Variants in OSCP1 observed in about 807,000 individuals in gnomAD.
OSCP1 encodes organic solute carrier partner 1, also known as protein OSCP1.
Under a neutral mutation model 45.1 loss-of-function variants are expected in OSCP1, and 35 were observed. That is an observed-to-expected ratio of 0.78 (90% confidence interval 0.59 to 1.03). The LOEUF is 1.03. Ranked by LOEUF, OSCP1 falls within the 50% of genes least tolerant of loss-of-function variation. The pLI, the probability that OSCP1 is intolerant of heterozygous loss-of-function variation, is 0.00. For missense variants in OSCP1, 400 were observed against 470.7 expected, an observed-to-expected ratio of 0.85 and a Z score of 1.39; for synonymous variants, 179 against 180.1, an observed-to-expected ratio of 0.99 and a Z score of 0.05.
At position 36,438,785 on chromosome 1, in the gene OSCP1, T is replaced by C; in HGVS notation, c.238A>G (p.Met80Val). The change falls in exon 2 of 10, where the codon ATG becomes GTG. Residue 80 changes from methionine (M) to valine (V), a missense_variant. Met to Val is a conservative substitution (Grantham distance 21, BLOSUM62 1). Transcript: ENST00000235532. ...VYERLAHASI[M>V]KLNQASMDKL... ...TCCATGCTGGCCTGGTTCAGTTTCATAATGGAGGCATGAGCCAGGCGCTCA... is the reference window on the plus strand; with the variant it reads ...TCCATGCTGGCCTGGTTCAGTTTCACAATGGAGGCATGAGCCAGGCGCTCA... 1 of 1,613,436 alleles carries C rather than the reference T, an allele frequency of 6.2e-7. No individual in the cohort carries two copies. The highest frequency in any genetic ancestry group is 8.5e-7 in the Non-Finnish European group (1 of 1,179,684).
Position 36,431,900 on chromosome 1 carries a change from A to G in OSCP1, c.436-18T>C. 1 of 1,610,746 alleles carries G rather than the reference A, an allele frequency of 6.2e-7. No homozygotes were observed. Among genetic ancestry groups the G allele is most frequent in the Non-Finnish European group, 8.5e-7 (1 of 1,179,114 alleles). ...CCATATATCTGCCAAAGGCAAGCAG[A>G]AAGCAGCACTTCACTTTCCAAGAGG... On this transcript the variant is annotated intron_variant, in intron 3 of 9. Transcript: ENST00000235532.
chr1:36,431,705 G>A, intron 4 of OSCP1, 97 bp downstream of exon 4: 1 of 1,184,628 alleles, frequency 8.4e-7, no homozygotes, highest in Non-Finnish European at 1.2e-6. Flanking sequence ...ATCACTAACT[G>A]GGCAAAATCT....
At chr1:36,439,695 G>A (rs1648997742) in intron 1 of OSCP1, among the ~76,000 whole-genome samples, 1 of 152,122 alleles carries the variant, frequency 6.6e-6, no homozygotes, top group African/African-American at 2.4e-5. Context: ...TATAAGACAT[G>A]TACTTTGAAT....
chr1:36,428,447 TCTTGCATATG>T (rs770043586), intron 4 of OSCP1: 1 of 1,613,976 alleles, frequency 6.2e-7, no homozygotes, highest in Non-Finnish European at 8.5e-7. Context: ...GTGAACAGTT[TCTTGCATATG>T]CTTCCAGAAG....
intron 8 of OSCP1, chr1:36,419,312 G>T: frequency 2.0e-6 from 1 of 492,420 alleles, no homozygotes; most frequent in African/African-American, 1.9e-5. Flanking sequence ...CCAAGACCTA[G>T]ATCAAATGCC....
In OSCP1 at chr1:36,418,628, G is replaced by A. The variant is rs562066255; in HGVS notation, c.1023+363C>T. ...ACGTTATATAAGATGAGGAAAGGAG[G>A]AAGGGAGGCTGGGTACGGTGGCTCA... On this transcript the variant is annotated intron_variant, in intron 9 of 9. Transcript: ENST00000235532. The A allele has an allele frequency of 1.5e-5, 5 of 336,892 alleles. No individual in the cohort carries two copies. In the South Asian group the frequency reaches 2.2e-4, roughly 15 times the overall value. The allele number at this position is 336,892 out of a possible 1,614,324, so 20.9% of individuals were successfully genotyped here.
chr1:36,444,716 A>G (rs1649398490), intron 1 of OSCP1, among the ~76,000 whole-genome samples: 1 of 152,222 alleles, frequency 6.6e-6, no homozygotes, highest in South Asian at 2.1e-4. Context: ...GGAAAAATGC[A>G]GTTGGCTAGA....
At position 36,438,877 on chromosome 1, in the gene OSCP1, C is replaced by G. The variant is rs1403825136; in HGVS notation, c.146G>C (p.Arg49Thr). The change falls in exon 2 of 10, where the codon AGA (arginine) becomes ACA (threonine). Residue 49 changes from arginine to threonine, a missense_variant. Transcript: ENST00000235532. ...LNDIISTMFN[R>T]KFMEELFKPQ... ...CTTGAATAATTCCTCCATAAACTTT[C>G]TATTGAACATGGTGGAGATGATGTC... The G allele has an allele frequency of 6.2e-7, 1 of 1,614,184 alleles. No homozygotes were observed. The highest frequency in any genetic ancestry group is 2.2e-5 in the East Asian group (1 of 44,886).
chr1:36,420,142 A>ATT (rs879625733), intron 8 of OSCP1, among the ~76,000 whole-genome samples: 113 of 138,512 alleles, frequency 8.2e-4, no homozygotes, highest in African/African-American at 2.9e-3. Flanking sequence ...CACCCAGCTA[A>ATT]TTTTTTTTTT....
intron 2 of OSCP1, among the ~76,000 whole-genome samples, chr1:36,436,885 A>G (rs1408651032): frequency 6.6e-6 from 1 of 152,118 alleles, no homozygotes; most frequent in Non-Finnish European, 1.5e-5. Flanking sequence ...AGTTTTGAGT[A>G]CTGGTCAGGT....
intron 1 of OSCP1, chr1:36,443,983 T>C: frequency 6.2e-7 from 1 of 1,611,106 alleles, no homozygotes; most frequent in Admixed American, 1.7e-5. Context: ...ACTGAACACA[T>C]GCAGCCCGGA....
chr1:36,429,072 G>A (rs1648170891), intron 4 of OSCP1, among the ~76,000 whole-genome samples: 1 of 152,096 alleles, frequency 6.6e-6, no homozygotes, highest in African/African-American at 2.4e-5. Context: ...ACTGTGGCCA[G>A]CTCTGGAGTT....
At chr1:36,427,823 C>A (rs1164757321) in intron 4 of OSCP1, among the ~76,000 whole-genome samples, 2 of 152,028 alleles carry the variant, frequency 1.3e-5, no homozygotes, top group Non-Finnish European at 2.9e-5. Flanking sequence ...TTATTTTAAT[C>A]AATGACAGAG....
intron 4 of OSCP1, among the ~76,000 whole-genome samples, chr1:36,427,608 C>T (rs1029663608): frequency 6.6e-6 from 1 of 152,156 alleles, no homozygotes; most frequent in Non-Finnish European, 1.5e-5. Flanking sequence ...TGAGCCACTG[C>T]ACCCAGCTGA....
Position 36,450,257 on chromosome 1 carries a change from C to A in OSCP1, c.112+1G>T. 1 of 1,612,440 alleles carries A rather than the reference C, an allele frequency of 6.2e-7. No individual in the cohort carries two copies. Among genetic ancestry groups the A allele is most frequent in the South Asian group, 1.1e-5 (1 of 90,994 alleles). ...GGCTGAGCGGGCCGGGGGCCTCTCA[C>A]CTTTGCGGGCCTTGTCTCCCGGGAT... On this transcript the variant is annotated splice_donor_variant, in intron 1 of 9. Transcript: ENST00000235532. LOFTEE classifies it high-confidence loss of function.
intron 1 of OSCP1, among the ~76,000 whole-genome samples, chr1:36,444,603 G>A (rs1412356120): frequency 6.6e-6 from 1 of 152,072 alleles, no homozygotes; most frequent in Admixed American, 6.6e-5. Flanking sequence ...ATATATAGAT[G>A]CATGATTTCC....
In OSCP1 at chr1:36,419,047, C is replaced by T; in HGVS notation, c.967G>A (p.Ala323Thr). Residue 323 changes from alanine to threonine, a missense_variant, in exon 9 of 10, where the codon GCG (alanine) becomes ACG (threonine). By Grantham distance (58) the Ala-to-Thr change is moderately conservative (BLOSUM62 0). Coordinates refer to ENST00000235532, the MANE Select transcript of OSCP1 (RefSeq NM_145047.5). Reference sequence around the variant, plus strand: ...GATAACTCTTCTGGCCTGGTTAGCGCTGCTTGTCTGGATGAGATGGTAAAG... The same window carrying T: ...GATAACTCTTCTGGCCTGGTTAGCGTTGCTTGTCTGGATGAGATGGTAAAG... ...FTTDEEEEQA[A>T]LTRPEELSYE... is the part of the protein sequence containing the mutation. 2 of 1,612,028 alleles carry T rather than the reference C, an allele frequency of 1.2e-6. No homozygotes were observed. The highest frequency in any genetic ancestry group is 4.5e-5 in the East Asian group (2 of 44,870).
chr1:36,424,632 G>C (rs1052674564), intron 4 of OSCP1, among the ~76,000 whole-genome samples: 7 of 152,114 alleles, frequency 4.6e-5, no homozygotes, highest in African/African-American at 1.7e-4. Context: ...TGGGGCAGGG[G>C]GATCCAGCTG....
intron 8 of OSCP1, among the ~76,000 whole-genome samples, chr1:36,419,977 C>CTTT (rs56851568): frequency 1.5e-5 from 2 of 136,252 alleles, no homozygotes; most frequent in Non-Finnish European, 3.2e-5. Flanking sequence ...CACACCGTCT[C>CTTT]TTTTTTTTTT....
Sources: gnomAD v4.1 joint callset for allele counts (sites outside exome capture counted in the v4.1 genomes callset) on GRCh38, gnomAD v4.1.1 for gene constraint, MANE v1.5 for transcripts, NCBI Gene and HGNC (gene_info 2026-07-23, HGNC 2026-07-21) for gene names.